LRRTM4: variants seen among roughly 807,000 people sequenced by gnomAD.
LRRTM4 encodes leucine rich repeat transmembrane neuronal 4.
In LRRTM4, 25 loss-of-function variants were observed where a neutral mutation model predicts 47.6. The observed-to-expected ratio is 0.53, with a 90% CI of 0.38 to 0.73. The LOEUF is 0.73. LRRTM4 is among the 30% of genes least tolerant of loss of function. LRRTM4 has a pLI of 0.00. For synonymous variants in LRRTM4, 311 were observed against 269.5 expected (o/e 1.15, Z -1.51); for missense variants, 638 against 713.4 (o/e 0.89, Z 1.20).
intron 3 of LRRTM4, among the ~76,000 whole-genome samples, chr2:77,127,459 T>C (rs1671677892): frequency 6.6e-6 from 1 of 152,178 alleles, no homozygotes; most frequent in African/African-American, 2.4e-5. Flanking sequence ...TCCTTGGCTT[T>C]TGATATTCAC....
chr2:77,265,343 C>T (rs1297102559), intron 3 of LRRTM4, among the ~76,000 whole-genome samples: 1 of 152,080 alleles, frequency 6.6e-6, no homozygotes, highest in Non-Finnish European at 1.5e-5. Context: ...AGAGATAATT[C>T]AGTCATGAGG....
At chr2:76,951,452 T>C (rs1675490800) in intron 3 of LRRTM4, among the ~76,000 whole-genome samples, 1 of 151,986 alleles carries the variant, frequency 6.6e-6, no homozygotes, top group Admixed American at 6.6e-5. Flanking sequence ...CAAAATGTCT[T>C]TCTCTATTAA....
At chr2:77,081,713 T>C (rs937576359) in intron 3 of LRRTM4, among the ~76,000 whole-genome samples, 1 of 152,188 alleles carries the variant, frequency 6.6e-6, no homozygotes, top group Non-Finnish European at 1.5e-5. Context: ...GTATTCTGGA[T>C]AGGCTTTTAA....
At chr2:76,851,878 A>G (rs1172720933) in intron 3 of LRRTM4, among the ~76,000 whole-genome samples, 1 of 151,756 alleles carries the variant, frequency 6.6e-6, no homozygotes, top group Non-Finnish European at 1.5e-5. Flanking sequence ...ATTATGCTAA[A>G]ATTTTGACCC....
At chr2:77,359,995 C>T (rs1672121395) in intron 3 of LRRTM4, among the ~76,000 whole-genome samples, 1 of 152,020 alleles carries the variant, frequency 6.6e-6, no homozygotes. Flanking sequence ...GAAGTCTTCT[C>T]TGAATTCTTT....
intron 3 of LRRTM4, among the ~76,000 whole-genome samples, chr2:77,068,531 C>T (rs1020911834): frequency 6.6e-6 from 1 of 152,186 alleles, no homozygotes; most frequent in African/African-American, 2.4e-5. Flanking sequence ...CTATCCTGAA[C>T]ATTTCATATA....
chr2:76,870,244 A>G (rs1413345342), intron 3 of LRRTM4, among the ~76,000 whole-genome samples: 4 of 152,090 alleles, frequency 2.6e-5, no homozygotes, highest in African/African-American at 9.7e-5. Context: ...GAATATATAG[A>G]TTGCATTTGG....
chr2:77,181,261 C>G (rs1673339942), intron 3 of LRRTM4, among the ~76,000 whole-genome samples: 4 of 152,058 alleles, frequency 2.6e-5, no homozygotes, highest in African/African-American at 9.7e-5. Context: ...ATGGACAATT[C>G]TATTTTGGAA....
At chr2:77,235,637 C>G (rs903353577) in intron 3 of LRRTM4, among the ~76,000 whole-genome samples, 1 of 152,036 alleles carries the variant, frequency 6.6e-6, no homozygotes, top group African/African-American at 2.4e-5. Context: ...CTGGGATTCT[C>G]ATAGATGGAG....
chr2:76,894,200 T>C (rs1673339095), intron 3 of LRRTM4, among the ~76,000 whole-genome samples: 1 of 151,982 alleles, frequency 6.6e-6, no homozygotes, highest in African/African-American at 2.4e-5. Flanking sequence ...TGCAGTAGTT[T>C]CCCTCAGAAA....
At chr2:77,068,770 C>T (rs1212378079) in intron 3 of LRRTM4, among the ~76,000 whole-genome samples, 1 of 152,170 alleles carries the variant, frequency 6.6e-6, no homozygotes, top group Admixed American at 6.5e-5. Flanking sequence ...CATAAACTGG[C>T]CCCAAAACTG....
chr2:77,260,036 G>A (rs6761197), intron 3 of LRRTM4, among the ~76,000 whole-genome samples: 18,706 of 151,988 alleles, frequency 0.12, 3,860 homozygotes, highest in African/African-American at 0.42. Context: ...GGAGGTTTTA[G>A]ATGTAAATTA....
chr2:76,980,725 T>A (rs997477473), intron 3 of LRRTM4, among the ~76,000 whole-genome samples: 1 of 152,052 alleles, frequency 6.6e-6, no homozygotes, highest in African/African-American at 2.4e-5. Context: ...CAGCCAGCAT[T>A]TGGTAACCAT....
chr2:76,958,827 T>TA (rs1223862773), intron 3 of LRRTM4, among the ~76,000 whole-genome samples: 8 of 151,860 alleles, frequency 5.3e-5, no homozygotes, highest in African/African-American at 1.9e-4. Flanking sequence ...TTCAGATTTT[T>TA]AATTTTGAAA....
chr2:76,965,194 A>C lies in LRRTM4; in HGVS notation c.1552-216278T>G, dbSNP rs149255499. Among the ~76,000 whole-genome samples, 715 of 151,280 alleles carry C rather than the reference A, an allele frequency of 4.7e-3. 4 individuals are homozygous for C. Among genetic ancestry groups the C allele is most frequent in the Middle Eastern group, 6.8e-3 (2 of 294 alleles). ...GAGGACAAACTTCCTATCACATTCT[A>C]TGAGGTCAGCATTACCCTACCAGCA... On this transcript the variant is annotated intron_variant, in intron 3 of 3. Coordinates refer to ENST00000409884, the MANE Select transcript of LRRTM4 (RefSeq NM_001134745.3).
At chr2:77,103,667 A>ATATATATCTATC (rs59351218) in intron 3 of LRRTM4, among the ~76,000 whole-genome samples, 12 of 146,282 alleles carry the variant, frequency 8.2e-5, no homozygotes, top group South Asian at 4.3e-4. Flanking sequence ...ATATATAGAT[A>ATATATATCTATC]TATATATCAC....
intron 3 of LRRTM4, among the ~76,000 whole-genome samples, chr2:76,960,407 GAC>G (rs893432299): frequency 7.9e-5 from 12 of 151,330 alleles, no homozygotes; most frequent in African/African-American, 2.7e-4. Flanking sequence ...TTACTAAAAA[GAC>G]ACAAACATCA....
intron 3 of LRRTM4, among the ~76,000 whole-genome samples, chr2:76,999,386 G>A (rs1677328294): frequency 6.6e-6 from 1 of 151,516 alleles, no homozygotes. Context: ...ACTCTCTAGG[G>A]GCCAATCGTA....
chr2:76,920,041 T>C (rs76990632), intron 3 of LRRTM4, among the ~76,000 whole-genome samples: 5 of 152,100 alleles, frequency 3.3e-5, no homozygotes, highest in Admixed American at 6.6e-5. Flanking sequence ...AATAAATGTA[T>C]TGAATGTTCT....
Sources: allele counts gnomAD v4.1 joint callset (sites outside exome capture counted in the v4.1 genomes callset), GRCh38; gene constraint gnomAD v4.1.1; transcripts MANE v1.5; gene names NCBI Gene and HGNC (gene_info 2026-07-23, HGNC 2026-07-21).